Variants in SOX6 observed in about 807,000 individuals in gnomAD.
SOX6 encodes the protein transcription factor SOX-6.
SOX6 carries 11 observed loss-of-function variants against 97.8 expected under a neutral mutation model. The ratio of observed to expected loss-of-function variants is 0.11; its 90% CI spans 0.07 to 0.19. The LOEUF (loss-of-function observed/expected upper bound fraction) is 0.19. Among genes scored for constraint, SOX6 ranks in the 10% least tolerant of loss-of-function variants. The probability of loss-of-function intolerance (pLI) is 1.00; values close to 1 mark genes in which losing one functional copy is unlikely to be tolerated. For synonymous variants in SOX6, 360 were observed against 371.4 expected (o/e 0.97, Z 0.35); for missense variants, 810 against 1,039.5 (o/e 0.78, Z 3.04).
Position 16,610,165 on chromosome 11 carries a change from TCAA to T in SOX6, n.609+1913_609+1915del, listed in dbSNP as rs1327518582. Among the ~76,000 whole-genome samples, 3 of 152,134 alleles carry T rather than the reference TCAA, an allele frequency of 2.0e-5. No individual in the cohort carries two copies. The highest frequency in any genetic ancestry group is 2.1e-4 in the South Asian group (1 of 4,830). On this transcript the variant is annotated intron_variant and non_coding_transcript_variant, in intron 4 of 5. Coordinates refer to the SOX6 transcript ENST00000524520. This position sits in a 1 kb window ranked among gnomAD's most constrained non-coding sequence, Gnocchi z 4.4. ...ACTCCTCAGCTGTCTGCCCTGGAAC[TCAA>T]CAACAAGGGCCATAAAACCTCTCCA... is the stretch of plus-strand genomic sequence containing the variant.
intron 3 of SOX6, among the ~76,000 whole-genome samples, chr11:16,284,631 G>C (rs1434573599): frequency 6.6e-6 from 1 of 152,088 alleles, no homozygotes; most frequent in Non-Finnish European, 1.5e-5. Context: ...CCCTTCCCTG[G>C]TTGAGCATCA....
chr11:16,520,362 G>C (rs1861039693), intron 4 of SOX6, among the ~76,000 whole-genome samples: 1 of 152,108 alleles, frequency 6.6e-6, no homozygotes, highest in Non-Finnish European at 1.5e-5. Flanking sequence ...TCCATTTTGA[G>C]TTAATTCTTC....
intron 9 of SOX6, among the ~76,000 whole-genome samples, chr11:16,065,080 C>T (rs1393360917): frequency 6.6e-6 from 1 of 151,898 alleles, no homozygotes; most frequent in Non-Finnish European, 1.5e-5. Context: ...TCAAATTATC[C>T]TTGTTTACAG....
At chr11:16,189,987 C>G (rs1851586673) in intron 4 of SOX6, among the ~76,000 whole-genome samples, 1 of 152,138 alleles carries the variant, frequency 6.6e-6, no homozygotes, top group Non-Finnish European at 1.5e-5. Context: ...CAATCATCTT[C>G]AACTTACTCC....
At chr11:16,441,331 T>C (rs1343927961) in intron 1 of SOX6, among the ~76,000 whole-genome samples, 1 of 152,218 alleles carries the variant, frequency 6.6e-6, no homozygotes, top group Non-Finnish European at 1.5e-5. Context: ...AGTGCACATA[T>C]ATGTACACTT....
intron 7 of SOX6, among the ~76,000 whole-genome samples, chr11:16,109,557 G>A (rs1046302341): frequency 1.3e-5 from 2 of 152,108 alleles, no homozygotes; most frequent in Non-Finnish European, 2.9e-5. Flanking sequence ...AAAAGAAGTT[G>A]TATTGTACTT....
At chr11:16,408,321 G>A (rs1288429770) in intron 1 of SOX6, among the ~76,000 whole-genome samples, 2 of 152,156 alleles carry the variant, frequency 1.3e-5, no homozygotes, top group African/African-American at 4.8e-5. Flanking sequence ...AGAAACAAAA[G>A]TGCTTGCATA....
chr11:16,084,496 C>A (rs533544295), intron 9 of SOX6, among the ~76,000 whole-genome samples: 3 of 152,080 alleles, frequency 2.0e-5, no homozygotes, highest in Admixed American at 1.3e-4. Flanking sequence ...CTGTACTAAG[C>A]AATTTGCTTA....
chr11:16,672,674 A>G (rs142014936), intron 3 of SOX6, among the ~76,000 whole-genome samples: 85 of 152,312 alleles, frequency 5.6e-4, no homozygotes, highest in African/African-American at 1.5e-3. Context: ...CCCATGACAC[A>G]TGGGAATTGT....
chr11:16,093,757 G>A (rs989292539), intron 9 of SOX6, among the ~76,000 whole-genome samples: 3 of 151,846 alleles, frequency 2.0e-5, no homozygotes, highest in Non-Finnish European at 2.9e-5. Flanking sequence ...TCAAAGGAGG[G>A]GAGAAGACCC....
intron 3 of SOX6, among the ~76,000 whole-genome samples, chr11:16,256,344 T>C (rs1326699406): frequency 6.6e-6 from 1 of 151,958 alleles, no homozygotes; most frequent in Non-Finnish European, 1.5e-5. Context: ...GTTAAAAGAA[T>C]TATATACCAC....
intron 6 of SOX6, among the ~76,000 whole-genome samples, chr11:16,138,473 T>A (rs1311206619): frequency 2.6e-5 from 4 of 152,182 alleles, no homozygotes; most frequent in African/African-American, 9.6e-5. Flanking sequence ...TATCCTCCAA[T>A]CTGAAATACT....
At chr11:16,682,440 A>G (rs1564868082) in intron 3 of SOX6, among the ~76,000 whole-genome samples, 1 of 152,256 alleles carries the variant, frequency 6.6e-6, no homozygotes, top group Non-Finnish European at 1.5e-5. Context: ...AACATACGCA[A>G]ATCAATAAAC....
intron 2 of SOX6, 107 bp from the exon 3 acceptor site, chr11:16,318,760 A>T: frequency 1.4e-6 from 1 of 736,014 alleles, no homozygotes; most frequent in Non-Finnish European, 2.2e-6. Flanking sequence ...AGTAGGACAA[A>T]TAAAATATAT....
chr11:16,727,369 T>G (rs570807760), intron 2 of SOX6, among the ~76,000 whole-genome samples: 29 of 143,422 alleles, frequency 2.0e-4, no homozygotes, highest in African/African-American at 7.1e-4. Flanking sequence ...AATGGCTACA[T>G]AGTATTCCAC....
intron 4 of SOX6, among the ~76,000 whole-genome samples, chr11:16,571,986 G>T (rs1247723716): frequency 6.6e-6 from 1 of 152,134 alleles, no homozygotes; most frequent in East Asian, 1.9e-4. Context: ...CTGTTTTCAT[G>T]AATATATTAT....
chr11:16,595,806 A>T (rs993404777), intron 4 of SOX6, among the ~76,000 whole-genome samples: 1 of 152,068 alleles, frequency 6.6e-6, no homozygotes, highest in Non-Finnish European at 1.5e-5. Context: ...TTAAAAAAAC[A>T]AAAACCTAAT....
intron 3 of SOX6, among the ~76,000 whole-genome samples, chr11:16,705,454 G>A (rs190924738): frequency 7.9e-5 from 12 of 151,798 alleles, no homozygotes; most frequent in South Asian, 2.1e-4. Flanking sequence ...GAGAGACCTC[G>A]TCCCTAAAAA....
chr11:16,128,472 G>T lies in SOX6; in HGVS notation c.778-16549C>A, dbSNP rs137891918. ...TTTAAACATAAATGCCAGATAAATG[G>T]CTTATAATAAAAGTAAGGCCAAAAG... On this transcript the variant is annotated intron_variant, in intron 6 of 15. Coordinates refer to ENST00000683767, the MANE Select transcript of SOX6 (RefSeq NM_001367873.1). 3.4e-3 allele frequency among the ~76,000 whole-genome samples: 516 copies of T among 152,170 alleles called. 1 individual carries two copies. The highest frequency in any genetic ancestry group is 0.011 in the African/African-American group (455 of 41,538).
Sources: allele counts gnomAD v4.1 joint callset (sites outside exome capture counted in the v4.1 genomes callset), GRCh38; gene constraint gnomAD v4.1.1; non-coding constraint Gnocchi (gnomAD v3.1); transcripts MANE v1.5; gene names NCBI Gene and HGNC (gene_info 2026-07-23, HGNC 2026-07-21).